DPP10: variants seen among roughly 807,000 people sequenced by gnomAD.
DPP10 encodes inactive dipeptidyl peptidase 10.
Under a neutral mutation model 120.9 loss-of-function variants are expected in DPP10, and 33 were observed. The ratio of observed to expected loss-of-function variants is 0.27; its 90% CI spans 0.21 to 0.37. The LOEUF (loss-of-function observed/expected upper bound fraction) is 0.37. Ranked by LOEUF, DPP10 falls within the 10% of genes least tolerant of loss-of-function variation. The pLI is 1.00. For missense variants in DPP10, 816 were observed against 942.8 expected, an observed-to-expected ratio of 0.87 and a Z score of 1.76; for synonymous variants, 337 against 326.1, an observed-to-expected ratio of 1.03 and a Z score of -0.36.
intron 1 of DPP10, among the ~76,000 whole-genome samples, chr2:115,302,900 G>A (rs1010732281): frequency 6.6e-6 from 1 of 152,062 alleles, no homozygotes; most frequent in Non-Finnish European, 1.5e-5. Context: ...AATGGCATGA[G>A]AGCAATGAGC....
chr2:115,373,934 A>C (rs2106414866), intron 3 of DPP10, among the ~76,000 whole-genome samples: 1 of 151,790 alleles, frequency 6.6e-6, no homozygotes, highest in African/African-American at 2.4e-5. Context: ...ACATTTTTAA[A>C]CCATCAGATC....
chr2:115,594,231 G>A (rs1031092754), intron 5 of DPP10, among the ~76,000 whole-genome samples: 17 of 152,076 alleles, frequency 1.1e-4, no homozygotes, highest in African/African-American at 3.1e-4. Context: ...TTTATGTCCT[G>A]TTAAAAATGA....
At chr2:115,161,667 A>T (rs1305793259) in intron 1 of DPP10, 8 of 306,630 alleles carry the variant, frequency 2.6e-5, no homozygotes, top group African/African-American at 1.8e-4. Flanking sequence ...CCGCTGCACT[A>T]ACTTGCCGCT....
chr2:114,832,026 G>C (rs1408309279), intron 1 of DPP10, among the ~76,000 whole-genome samples: 1 of 151,580 alleles, frequency 6.6e-6, no homozygotes, highest in Non-Finnish European at 1.5e-5. Flanking sequence ...ATTTAAATGA[G>C]TGACATCTTT....
At chr2:114,996,792 G>T (rs1701112833) in intron 1 of DPP10, among the ~76,000 whole-genome samples, 1 of 151,884 alleles carries the variant, frequency 6.6e-6, no homozygotes, top group Non-Finnish European at 1.5e-5. Context: ...GACCATCCTG[G>T]CTAACACAGT....
chr2:115,075,705 C>A (rs1707729868), intron 1 of DPP10, among the ~76,000 whole-genome samples: 1 of 143,218 alleles, frequency 7.0e-6, no homozygotes, highest in Non-Finnish European at 1.5e-5. Flanking sequence ...CAATGGTGAA[C>A]TTTTTTTTTT....
chr2:115,326,752 A>G (rs1008442665), intron 2 of DPP10, among the ~76,000 whole-genome samples: 2 of 152,084 alleles, frequency 1.3e-5, no homozygotes, highest in Non-Finnish European at 2.9e-5. Flanking sequence ...AGGTTATGCA[A>G]TAAGGACATA....
At chr2:115,577,141 A>G (rs756804235) in intron 5 of DPP10, among the ~76,000 whole-genome samples, 10 of 152,132 alleles carry the variant, frequency 6.6e-5, no homozygotes, top group African/African-American at 9.7e-5. Context: ...GGAGGTTTCT[A>G]CTTATGAGAA....
chr2:115,093,708 AATTATAT>A (rs1417437099), intron 1 of DPP10, among the ~76,000 whole-genome samples: 1 of 152,086 alleles, frequency 6.6e-6, no homozygotes, highest in African/African-American at 2.4e-5. Context: ...GTGGGCCATT[AATTATAT>A]ACATATATGC....
chr2:114,653,903 C>CT lies in DPP10; in HGVS notation c.60+211070dup, dbSNP rs1696790209. Among the ~76,000 whole-genome samples the CT allele has an allele frequency of 3.9e-5, 6 of 152,262 alleles. No individual in the cohort carries two copies. In the South Asian group the frequency reaches 1.2e-3, roughly 32 times the overall value. ...CCCCTCTGTGTAGTGAATGCTATCA[C>CT]TTTTTCTTCTCGCTTTTCTAGATAG... On this transcript the variant is annotated intron_variant, in intron 1 of 25. Transcript: ENST00000410059.
At chr2:114,773,068 G>A (rs1242900129) in intron 1 of DPP10, among the ~76,000 whole-genome samples, 2 of 152,086 alleles carry the variant, frequency 1.3e-5, no homozygotes, top group Non-Finnish European at 2.9e-5. Flanking sequence ...TACTTCATAA[G>A]GTCTAGTAAT....
At chr2:114,817,292 A>T (rs1166063228) in intron 1 of DPP10, among the ~76,000 whole-genome samples, 1 of 113,914 alleles carries the variant, frequency 8.8e-6, no homozygotes, top group African/African-American at 3.5e-5. Flanking sequence ...GATATCAGCC[A>T]GTGTCCTGGC....
chr2:114,646,262 G>A (rs1036182501), intron 1 of DPP10, among the ~76,000 whole-genome samples: 1 of 152,234 alleles, frequency 6.6e-6, no homozygotes, highest in East Asian at 1.9e-4. Flanking sequence ...GCAATGGGGA[G>A]TAAAGCCAGC....
intron 1 of DPP10, among the ~76,000 whole-genome samples, chr2:115,084,124 A>G (rs1365223398): frequency 1.3e-5 from 2 of 152,180 alleles, no homozygotes; most frequent in African/African-American, 4.8e-5. Context: ...CTATTAATAT[A>G]CCTGCTCACA....
At chr2:115,339,500 TA>T (rs565995456) in intron 2 of DPP10, among the ~76,000 whole-genome samples, 11 of 152,106 alleles carry the variant, frequency 7.2e-5, no homozygotes, top group Admixed American at 1.3e-4. Context: ...CAAAAATCTA[TA>T]AAAAAATGTT....
At chr2:115,178,104 T>C (rs902400149) in intron 1 of DPP10, among the ~76,000 whole-genome samples, 2 of 152,108 alleles carry the variant, frequency 1.3e-5, no homozygotes, top group African/African-American at 4.8e-5. Context: ...TAAAAAATGT[T>C]CCTCCTTTTT....
chr2:115,412,857 G>C (rs543419458), intron 3 of DPP10, among the ~76,000 whole-genome samples: 1 of 152,218 alleles, frequency 6.6e-6, no homozygotes, highest in Non-Finnish European at 1.5e-5. Flanking sequence ...TAATAGATGG[G>C]TGCTTCCATT....
chr2:114,916,526 A>G (rs1422694152), intron 1 of DPP10, among the ~76,000 whole-genome samples: 5 of 152,050 alleles, frequency 3.3e-5, no homozygotes. Context: ...GAACAACAGC[A>G]AAAGCTTCAG....
chr2:115,122,729 T>C (rs1319693779), intron 1 of DPP10, among the ~76,000 whole-genome samples: 5 of 152,092 alleles, frequency 3.3e-5, no homozygotes, highest in Non-Finnish European at 5.9e-5. Context: ...CAGTGCAGGT[T>C]TTCAGGAAAC....
Sources: allele counts gnomAD v4.1 joint callset (sites outside exome capture counted in the v4.1 genomes callset), GRCh38; gene constraint gnomAD v4.1.1; transcripts MANE v1.5; gene names NCBI Gene and HGNC (gene_info 2026-07-23, HGNC 2026-07-21).